Variants in DMBT1 observed in about 807,000 individuals in gnomAD.
DMBT1 encodes deleted in malignant brain tumors 1.
Under a neutral mutation model 252.9 loss-of-function variants are expected in DMBT1, and 198 were observed. The observed-to-expected ratio is 0.78, with a 90% CI of 0.70 to 0.88. DMBT1 has a LOEUF of 0.88. Among genes scored for constraint, DMBT1 ranks in the 40% least tolerant of loss-of-function variants. The probability of loss-of-function intolerance (pLI) is 0.00; values close to 1 mark genes in which losing one functional copy is unlikely to be tolerated. For synonymous variants in DMBT1, 990 were observed against 942.7 expected (o/e 1.05, Z -0.92); for missense variants, 2,432 against 2,404.7 (o/e 1.01, Z -0.24).
At chr10:122,577,185 G>A (rs533936902) in intron 7 of DMBT1, among the ~76,000 whole-genome samples, 9 of 152,290 alleles carry the variant, frequency 5.9e-5, no homozygotes, top group South Asian at 2.1e-4. Context: ...CATTTTCCCC[G>A]AGGCTCCTTC....
At position 122,586,161 on chromosome 10, in the gene DMBT1, G is replaced by C. The variant is rs780635793; in HGVS notation, c.1561G>C (p.Asp521His). The C allele has an allele frequency of 1.9e-6, 3 of 1,589,232 alleles. No individual in the cohort carries two copies. Among genetic ancestry groups the C allele is most frequent in the Non-Finnish European group, 1.7e-6 (2 of 1,166,154 alleles). The change falls in exon 16 of 56, where the codon GAC becomes CAC. Residue 521 changes from aspartate to histidine, a missense_variant. Asp to His is a moderately conservative substitution (Grantham distance 81). Transcript: ENST00000338354. Reference protein sequence around the residue: ...YRGSWGTVCDDSWDTNDANVV... With the variant: ...YRGSWGTVCDHSWDTNDANVV... ...AGGCTCCTGGGGCACCGTGTGTGAT[G>C]ACAGCTGGGACACCAATGATGCCAA...
intron 1 of DMBT1, among the ~76,000 whole-genome samples, chr10:122,563,686 T>C (rs576823957): frequency 6.6e-6 from 1 of 152,096 alleles, no homozygotes; most frequent in Non-Finnish European, 1.5e-5. Flanking sequence ...CCTACAGCTA[T>C]GTGGTTGATT....
chr10:122,591,555 C>T lies in DMBT1; in HGVS notation c.2176+38C>T. On this transcript the variant is annotated intron_variant, in intron 19 of 55. Transcript: ENST00000338354. ...CTCACCCCTCCCTAGGGCTCACTCTCTACCTCTGGACAAATGTTTTCTCTG... is the reference window on the plus strand; with the variant it reads ...CTCACCCCTCCCTAGGGCTCACTCTTTACCTCTGGACAAATGTTTTCTCTG... 39 of 1,552,632 alleles carry T rather than the reference C, an allele frequency of 2.5e-5. 3 individuals are homozygous for T. Among genetic ancestry groups the T allele is most frequent in the Non-Finnish European group, 3.4e-5 (39 of 1,135,854 alleles).
intron 45 of DMBT1, 52 bp from the exon 46 acceptor site, chr10:122,625,881 G>T: frequency 6.9e-7 from 1 of 1,456,198 alleles, no homozygotes; most frequent in Non-Finnish European, 9.7e-7. Flanking sequence ...AATTACTATG[G>T]AATGGAAAAA....
At chr10:122,567,626 C>A (rs866023722) in intron 2 of DMBT1, among the ~76,000 whole-genome samples, 5 of 152,166 alleles carry the variant, frequency 3.3e-5, no homozygotes, top group Non-Finnish European at 5.9e-5. Flanking sequence ...ACTGTCAGGA[C>A]GGTGGGCTGC....
intron 50 of DMBT1, among the ~76,000 whole-genome samples, chr10:122,632,634 C>T (rs973205147): frequency 1.3e-5 from 2 of 152,168 alleles, no homozygotes; most frequent in African/African-American, 2.4e-5. Flanking sequence ...CTTCCAGGCT[C>T]CTCTCCTTCC....
intron 46 of DMBT1, among the ~76,000 whole-genome samples, chr10:122,629,253 T>C (rs866511349): frequency 6.6e-6 from 1 of 152,202 alleles, no homozygotes; most frequent in South Asian, 2.1e-4. Context: ...CAGATGCCAT[T>C]ACCACTCTCA....
intron 26 of DMBT1, among the ~76,000 whole-genome samples, chr10:122,599,711 G>T (rs183149870): frequency 1.6e-4 from 24 of 152,350 alleles, no homozygotes; most frequent in Admixed American, 1.2e-3. Flanking sequence ...CCTTGTCATT[G>T]CCTGTGATCA....
chr10:122,638,387 A>G (rs983649905), intron 54 of DMBT1, among the ~76,000 whole-genome samples: 2 of 152,212 alleles, frequency 1.3e-5, no homozygotes, highest in African/African-American at 4.8e-5. Context: ...TTGGCTGATC[A>G]TGAATAGCAC....
At chr10:122,619,198 G>A in intron 41 of DMBT1, 110 bp from the exon 42 acceptor site, 1 of 1,377,470 alleles carries the variant, frequency 7.3e-7, no homozygotes, top group Non-Finnish European at 1.0e-6. Context: ...CTGTGATAGG[G>A]ACTAGGATGG....
chr10:122,619,174 C>A, intron 41 of DMBT1, 134 bp from the exon 42 acceptor site: 1 of 1,153,648 alleles, frequency 8.7e-7, no homozygotes, highest in Non-Finnish European at 1.3e-6. Flanking sequence ...ATTTACATGG[C>A]AATGCCCCTC....
At chr10:122,625,136 G>T (rs1020030947) in intron 44 of DMBT1, 141 bp from the exon 45 acceptor site, 2 of 793,718 alleles carry the variant, frequency 2.5e-6, no homozygotes, top group African/African-American at 3.4e-5. Context: ...AACCGTTAAG[G>T]TTTATATCTA....
Position 122,621,134 on chromosome 10 carries a change from G to C in DMBT1, c.5362G>C (p.Gly1788Arg). Residue 1788 changes from glycine (G) to arginine (R), a missense_variant, in exon 44 of 56, where the codon GGC (glycine) becomes CGC (arginine). By Grantham distance (125) the Gly-to-Arg change is moderately radical (BLOSUM62 -2). This residue lies in a region of DMBT1 where 1,162 missense variants were observed against 1,169.0 expected (regional missense o/e 0.99). Transcript: ENST00000338354. ...AGGCCGAGTGGAGGTCCTGTATCGA[G>C]GCTCCTGGGGAACCGTGTGTGATGA... ...CRGRVEVLYR[G>R]SWGTVCDDSW... The C allele has an allele frequency of 1.9e-6, 3 of 1,613,824 alleles. No homozygotes were observed. Among genetic ancestry groups the C allele is most frequent in the Non-Finnish European group, 2.5e-6 (3 of 1,179,758 alleles).
intron 16 of DMBT1, among the ~76,000 whole-genome samples, chr10:122,587,356 C>A (rs1174282980): frequency 6.7e-6 from 1 of 148,506 alleles, no homozygotes; most frequent in African/African-American, 2.4e-5. Context: ...TCGTGACTGT[C>A]CATATCTGAC....
Position 122,598,891 on chromosome 10 carries a change from A to G in DMBT1, c.3074A>G (p.Asn1025Ser), listed in dbSNP as rs2097911600. 1.2e-6 allele frequency: 2 copies of G among 1,613,724 alleles called. No individual in the cohort carries two copies. Among genetic ancestry groups the G allele is most frequent in the African/African-American group, 2.7e-5 (2 of 74,934 alleles). ...GTGTGCGATGACAGCTGGGACACCA[A>G]TGATGCCAATGTCGTCTGCAGGCAA... is the stretch of plus-strand genomic sequence containing the variant. ...GTVCDDSWDT[N>S]DANVVCRQLG... The change falls in exon 26 of 56, where the codon AAT (asparagine) becomes AGT (serine). Residue 1025 changes from asparagine to serine, a missense_variant. By Grantham distance (46) the Asn-to-Ser change is conservative. Coordinates refer to ENST00000338354, the MANE Select transcript of DMBT1 (RefSeq NM_001377530.1).
chr10:122,632,922 C>A, intron 51 of DMBT1, 32 bp downstream of exon 51: 1 of 1,613,444 alleles, frequency 6.2e-7, no homozygotes, highest in Non-Finnish European at 8.5e-7. Context: ...AAGTCTGTGG[C>A]AGAGTGGCCT....
intron 17 of DMBT1, among the ~76,000 whole-genome samples, chr10:122,589,950 A>G (rs544147561): frequency 2.0e-5 from 3 of 148,604 alleles, no homozygotes; most frequent in South Asian, 4.6e-4. Context: ...CAAACATCCA[A>G]TCTATAGCAC....
chr10:122,599,328 G>C (rs1005312300), intron 26 of DMBT1, among the ~76,000 whole-genome samples: 1 of 152,170 alleles, frequency 6.6e-6, no homozygotes, highest in South Asian at 2.1e-4. Context: ...CCTTCCTGAG[G>C]GAAGGCAAGG....
intron 52 of DMBT1, among the ~76,000 whole-genome samples, chr10:122,634,429 CTTCT>C (rs1201610010): frequency 3.6e-5 from 2 of 54,830 alleles, no homozygotes; most frequent in South Asian, 6.5e-4. Context: ...CTCTCTCTCT[CTTCT>C]CTCTCTCTCT....
Sources: allele counts gnomAD v4.1 joint callset (sites outside exome capture counted in the v4.1 genomes callset), GRCh38; gene constraint gnomAD v4.1.1; regional missense constraint gnomAD v4.1.1; transcripts MANE v1.5; gene names NCBI Gene and HGNC (gene_info 2026-07-23, HGNC 2026-07-21).